MICAL2: variants seen among roughly 807,000 people sequenced by gnomAD.
MICAL2 encodes the protein [F-actin]-monooxygenase MICAL2.
MICAL2 carries 77 observed loss-of-function variants against 127.3 expected under a neutral mutation model. The observed-to-expected ratio is 0.60, with a 90% CI of 0.50 to 0.73. MICAL2 has a LOEUF of 0.73. MICAL2 is among the 30% of genes least tolerant of loss of function. The probability of loss-of-function intolerance (pLI) is 0.00; values close to 1 mark genes in which losing one functional copy is unlikely to be tolerated. For missense variants in MICAL2, 1,351 were observed against 1,434.4 expected, an observed-to-expected ratio of 0.94 and a Z score of 0.94; for synonymous variants, 570 against 551.1, an observed-to-expected ratio of 1.03 and a Z score of -0.48.
At chr11:12,326,077 C>T (rs897460909) in intron 31 of MICAL2, among the ~76,000 whole-genome samples, 3 of 152,160 alleles carry the variant, frequency 2.0e-5, no homozygotes, top group Non-Finnish European at 4.4e-5. Context: ...CTGTGCAGGC[C>T]CCACCCCTCC....
Position 12,241,183 on chromosome 11 carries a change from T to C in MICAL2, c.2337+21T>C, listed in dbSNP as rs547761513. 8 of 1,609,068 alleles carry C rather than the reference T, an allele frequency of 5.0e-6. No homozygotes were observed. In the Admixed American group the frequency reaches 8.4e-5, roughly 17 times the overall value. ...GGCAGGTAGGGCTCCTTCCAGTGGA[T>C]GCTGTTTTGGTGAAGCCAGAGGGGA... On this transcript the variant is annotated intron_variant, in intron 18 of 27. Transcript: ENST00000683283.
intron 3 of MICAL2, among the ~76,000 whole-genome samples, chr11:12,201,128 G>A (rs1207274705): frequency 2.6e-5 from 4 of 152,102 alleles, no homozygotes; most frequent in East Asian, 1.9e-4. Context: ...CTTGGGAAGC[G>A]GGGCTTGGTT....
At chr11:12,113,197 C>T (rs902846114) in intron 1 of MICAL2, among the ~76,000 whole-genome samples, 4 of 152,136 alleles carry the variant, frequency 2.6e-5, no homozygotes, top group African/African-American at 9.7e-5. Context: ...TTTCATTCTG[C>T]CTCTAAAGAA....
chr11:12,283,224 T>C (rs1191879443), intron 2 of MICAL2, among the ~76,000 whole-genome samples: 2 of 152,162 alleles, frequency 1.3e-5, no homozygotes, highest in African/African-American at 4.8e-5. Context: ...TGTGTGGGTT[T>C]TATGGAGCTT....
intron 2 of MICAL2, among the ~76,000 whole-genome samples, chr11:12,155,974 A>T (rs1034189644): frequency 2.0e-5 from 3 of 152,116 alleles, no homozygotes; most frequent in Non-Finnish European, 4.4e-5. Flanking sequence ...AGGAAGGGGG[A>T]ATGTATGAGG....
At chr11:12,278,565 T>G (rs1863742856) in intron 1 of MICAL2, among the ~76,000 whole-genome samples, 1 of 152,252 alleles carries the variant, frequency 6.6e-6, no homozygotes, top group African/African-American at 2.4e-5. Context: ...CAAAGAATTT[T>G]TAAGTAGAAG....
At chr11:12,294,888 C>G, downstream of MICAL2, 1 of 1,433,470 alleles carries the variant, frequency 7.0e-7, no homozygotes, top group Non-Finnish European at 9.1e-7. Context: ...AAATGTCTGC[C>G]CTTCATGCTG....
At chr11:12,182,879 T>C (rs951459845) in intron 3 of MICAL2, among the ~76,000 whole-genome samples, 1 of 152,146 alleles carries the variant, frequency 6.6e-6, no homozygotes, top group Non-Finnish European at 1.5e-5. Flanking sequence ...CAAGAGGGCC[T>C]TGGGGTAACA....
At chr11:12,245,914 C>T (rs540881819) in intron 21 of MICAL2, among the ~76,000 whole-genome samples, 5 of 152,242 alleles carry the variant, frequency 3.3e-5, no homozygotes, top group African/African-American at 9.6e-5. Context: ...TAGGCACGGA[C>T]CAGGCAGTGG....
At chr11:12,211,031 C>T (rs779230422) in intron 6 of MICAL2, among the ~76,000 whole-genome samples, 1 of 152,178 alleles carries the variant, frequency 6.6e-6, no homozygotes, top group East Asian at 1.9e-4. Flanking sequence ...CATTTCTGAC[C>T]CTTTTGACAA....
At chr11:12,344,619 G>C (rs1309865570) in intron 32 of MICAL2, among the ~76,000 whole-genome samples, 2 of 149,628 alleles carry the variant, frequency 1.3e-5, no homozygotes, top group Non-Finnish European at 3.0e-5. Flanking sequence ...TCCTGTCTCA[G>C]CCTCTGAGTA....
intron 8 of MICAL2, 125 bp downstream of exon 8, chr11:12,216,444 C>T: frequency 2.9e-6 from 2 of 697,136 alleles, no homozygotes; most frequent in South Asian, 1.7e-5. Context: ...GTGCCACCAG[C>T]TTACACCCTT....
At chr11:12,252,027 C>T (rs558465760) in intron 22 of MICAL2, among the ~76,000 whole-genome samples, 29 of 152,316 alleles carry the variant, frequency 1.9e-4, no homozygotes, top group African/African-American at 7.0e-4. Context: ...CCCGTTCACA[C>T]ACTGTGCCAG....
At chr11:12,256,635 A>G (rs2279615) in intron 23 of MICAL2, 150 bp from the exon 24 acceptor site, 63,182 of 709,010 alleles carry the variant, frequency 0.089, 4,271 homozygotes, top group East Asian at 0.32. Context: ...GTATCTTCCT[A>G]CCCCTCCCTC....
At chr11:12,307,813 G>C (rs1042475762) in intron 29 of MICAL2, among the ~76,000 whole-genome samples, 1 of 152,116 alleles carries the variant, frequency 6.6e-6, no homozygotes, top group Non-Finnish European at 1.5e-5. Context: ...CTGCTCCATT[G>C]ATCTATACAA....
rs76480917 is a variant in MICAL2 at position 12,126,349 on chromosome 11, C to A, written c.-148-12041C>A. ...GGAAGAAGTATGTACTTTGCTTTGC[C>A]AGACCTGAGATGCTTTACAAATCAT... On this transcript the variant is annotated intron_variant, in intron 1 of 27. Coordinates refer to ENST00000683283, the MANE Select transcript of MICAL2 (RefSeq NM_001282663.2). Among the ~76,000 whole-genome samples, 734 of 152,264 alleles carry A rather than the reference C, an allele frequency of 4.8e-3. 6 individuals carry two copies. The highest frequency in any genetic ancestry group is 0.016 in the African/African-American group (657 of 41,552).
At position 12,259,203 on chromosome 11, in the gene MICAL2, G is replaced by C. The variant is rs115697225; in HGVS notation, c.3232-592G>C. On this transcript the variant is annotated intron_variant, in intron 25 of 27. Coordinates refer to ENST00000683283, the MANE Select transcript of MICAL2 (RefSeq NM_001282663.2). ...ATCACCTGTAACCACTCTACCCTGA[G>C]AAAACCGCAGTTGACATTTTGTAAC... Among the ~76,000 whole-genome samples, 437 of 152,344 alleles carry C rather than the reference G, an allele frequency of 2.9e-3. 1 individual carries two copies. Among genetic ancestry groups the C allele is most frequent in the African/African-American group, 1.0e-2 (415 of 41,580 alleles).
Position 12,208,126 on chromosome 11 carries a change from T to C in MICAL2, c.576T>C (p.Asp192=). 1.2e-6 allele frequency: 2 copies of C among 1,611,990 alleles called. No individual in the cohort carries two copies. Among genetic ancestry groups the C allele is most frequent in the Non-Finnish European group, 1.7e-6 (2 of 1,178,078 alleles). The change falls in exon 5 of 28, where the codon GAT becomes GAC. Residue 192 remains aspartate, a synonymous_variant. Transcript: ENST00000683283. ...TGAAGGTTCTAGAGCCTCCTGAAGA[T>C]CAAGAAAATCAAAGTACAGTATAAT... ...EFVKVLEPPE[D]QENQKIGWRA... is the part of the protein sequence containing the mutation.
chr11:12,270,036 T>C (rs2641930), intron 24 of MICAL2, among the ~76,000 whole-genome samples: 151,367 of 152,370 alleles, frequency 0.99, 75,197 homozygotes, highest in Middle Eastern at 1. Context: ...CCCATCTTGG[T>C]ACCTGTGCCT....
Sources: gnomAD v4.1 joint callset for allele counts (sites outside exome capture counted in the v4.1 genomes callset) on GRCh38, gnomAD v4.1.1 for gene constraint, MANE v1.5 for transcripts, NCBI Gene and HGNC (gene_info 2026-07-23, HGNC 2026-07-21) for gene names.